Variants in ANKRD26 observed in about 807,000 individuals in gnomAD.
ANKRD26 encodes ankyrin repeat domain 26.
A neutral mutation model predicts 208.7 loss-of-function variants in ANKRD26; 141 were observed. The ratio of observed to expected loss-of-function variants is 0.68; its 90% confidence interval spans 0.59 to 0.78. The LOEUF is 0.78. ANKRD26 is among the 30% of genes least tolerant of loss of function. The pLI is 0.00. For missense variants in ANKRD26, 1,889 were observed against 1,938.7 expected (o/e 0.97, Z 0.48); for synonymous variants, 636 against 660.4 (o/e 0.96, Z 0.57).
chr10:27,019,650 T>C (rs1162265285), intron 29 of ANKRD26, among the ~76,000 whole-genome samples: 1 of 152,218 alleles, frequency 6.6e-6, no homozygotes, highest in African/African-American at 2.4e-5. Context: ...GAAAAAACTT[T>C]CTCCTCAATA....
Position 27,005,571 on chromosome 10 carries a change from AG to A in ANKRD26, c.*18del. 3 of 1,602,226 alleles carry A rather than the reference AG, an allele frequency of 1.9e-6. No homozygotes were observed. The highest frequency in any genetic ancestry group is 2.6e-6 in the Non-Finnish European group (3 of 1,170,598). Reference sequence around the variant, plus strand: ...AAACAAAATGTCACATAAACAGCCCAGTAATAAAATCTTATCTTTCAGATCA... The same window carrying A: ...AAACAAAATGTCACATAAACAGCCCATAATAAAATCTTATCTTTCAGATCA... On this transcript the variant is annotated 3_prime_UTR_variant, in exon 34 of 34. Coordinates refer to ENST00000376087, the MANE Select transcript of ANKRD26 (RefSeq NM_014915.3).
chr10:26,955,169 C>T, the ANKRD26 span, among the ~76,000 whole-genome samples: 1 of 151,748 alleles, frequency 6.6e-6, no homozygotes, highest in African/African-American at 2.4e-5. Flanking sequence ...TAGCTCATGC[C>T]CATAATCCCA....
rs7079807 is a variant in ANKRD26, at chr10:27,060,063, A to G, written c.1564+282T>C. Among the ~76,000 whole-genome samples, 126,757 of 151,842 alleles carry G rather than the reference A, an allele frequency of 0.83. 53,159 individuals are homozygous for G. Among genetic ancestry groups the G allele is most frequent in the East Asian group, 0.99 (5,102 of 5,158 alleles). On this transcript the variant is annotated intron_variant, in intron 15 of 33. Transcript: ENST00000376087. ...TAAAATACAAAAATTTGCCAGGCGT[A>G]GTGATGCACACCTGTAATCCCAGCT...
At chr10:27,096,628 T>C (rs1279137587) in intron 1 of ANKRD26, among the ~76,000 whole-genome samples, 1 of 151,534 alleles carries the variant, frequency 6.6e-6, no homozygotes, top group Admixed American at 6.6e-5. Flanking sequence ...TAGCCAGGCA[T>C]GGTGGTGGGT....
intron 17 of ANKRD26, among the ~76,000 whole-genome samples, chr10:27,047,941 C>A (rs1240747313): frequency 2.0e-5 from 3 of 151,998 alleles, no homozygotes; most frequent in Non-Finnish European, 1.5e-5. Context: ...TGGGGTTTCA[C>A]CATGTTTTCC....
At chr10:26,962,330 G>A in the ANKRD26 span, among the ~76,000 whole-genome samples, 1 of 152,090 alleles carries the variant, frequency 6.6e-6, no homozygotes, top group Non-Finnish European at 1.5e-5. Context: ...ATTCCAGCAC[G>A]TTGGGAGGCT....
chr10:27,052,679 A>G (rs745788969), intron 16 of ANKRD26, among the ~76,000 whole-genome samples: 1 of 152,156 alleles, frequency 6.6e-6, no homozygotes, highest in Non-Finnish European at 1.5e-5. Context: ...TAAAAATTCT[A>G]TAATATTTAC....
chr10:27,047,639 G>T (rs534056281), intron 17 of ANKRD26, among the ~76,000 whole-genome samples: 2 of 151,020 alleles, frequency 1.3e-5, no homozygotes, highest in South Asian at 4.2e-4. Flanking sequence ...GAAAATAAAA[G>T]AATTTGGTAA....
At chr10:27,004,015 C>T (rs1204107158), downstream of ANKRD26, 1 of 152,018 alleles carries the variant, frequency 6.6e-6, no homozygotes, top group Non-Finnish European at 1.5e-5. Flanking sequence ...GTGTTAATAT[C>T]CTGATTTTGA....
At chr10:27,038,167 T>C in intron 21 of ANKRD26, 113 bp from the exon 22 acceptor site, 1 of 866,894 alleles carries the variant, frequency 1.2e-6, no homozygotes, top group Non-Finnish European at 1.8e-6. Context: ...TTCTATGTTC[T>C]TGAATATTTT....
rs1257670523 is a variant in ANKRD26 at position 26,992,505 on chromosome 10, CACAG to C, written c.*30-504_*30-501del. ...ACACACACACACACACACACACACA[CACAG>C]AGAGAAAAAGAGAGAGACTTTCCCA... On this transcript the variant is annotated intron_variant, in intron 5 of 5. Transcript: ENST00000445828. 8.3e-3 allele frequency among the ~76,000 whole-genome samples: 1,128 copies of C among 136,098 alleles called. 10 individuals are homozygous for C. Among genetic ancestry groups the C allele is most frequent in the African/African-American group, 0.016 (505 of 31,158 alleles). 89.3% of individuals were successfully genotyped at this position (136,098 alleles called of 152,430 possible). A position where few individuals can be genotyped will look rare whatever the true frequency, so the allele number is the denominator to read the frequency against.
intron 5 of ANKRD26, among the ~76,000 whole-genome samples, chr10:27,085,377 G>A (rs1385759757): frequency 9.9e-5 from 15 of 152,108 alleles, no homozygotes; most frequent in Admixed American, 9.8e-4. Flanking sequence ...GGGATTACAG[G>A]CGTGAGCCAC....
intron 9 of ANKRD26, among the ~76,000 whole-genome samples, chr10:27,072,107 C>T (rs1483370276): frequency 1.3e-5 from 2 of 152,182 alleles, no homozygotes; most frequent in Non-Finnish European, 2.9e-5. Flanking sequence ...GAGCTGGATG[C>T]CCCTTGTTCC....
At chr10:27,036,704 G>T (rs2054056910) in intron 23 of ANKRD26, among the ~76,000 whole-genome samples, 1 of 152,028 alleles carries the variant, frequency 6.6e-6, no homozygotes, top group Non-Finnish European at 1.5e-5. Flanking sequence ...ACCAAAATAA[G>T]ATACTACTTG....
chr10:26,960,162 G>T, the ANKRD26 span, among the ~76,000 whole-genome samples: 3 of 152,074 alleles, frequency 2.0e-5, no homozygotes, highest in East Asian at 1.9e-4. Context: ...AAAAAAAAAG[G>T]GGGGGTAGTG....
chr10:27,030,494 C>G, intron 25 of ANKRD26: 1 of 985,340 alleles, frequency 1.0e-6, no homozygotes, highest in East Asian at 1.1e-4. Flanking sequence ...GCTGCTTTAG[C>G]GAGCACTCTG....
In ANKRD26 at chr10:27,038,025, C is replaced by T; in HGVS notation, c.2405G>A (p.Arg802Lys). The T allele has an allele frequency of 1.2e-6, 2 of 1,610,832 alleles. No homozygotes were observed. Among genetic ancestry groups the T allele is most frequent in the Non-Finnish European group, 1.7e-6 (2 of 1,179,450 alleles). The change falls in exon 22 of 34, where the codon AGA becomes AAA. Residue 802 changes from arginine to lysine, a missense_variant. This residue lies in a region of ANKRD26 where 1,272 missense variants were observed against 1,273.8 expected (regional missense o/e 1.00). Transcript: ENST00000376087. ...TTCATACAACGTATCAGCATTTCTT[C>T]TCTTCTCTTCTTCTTGGTTTAAGCT... The part of the protein sequence containing the change: ...RFSLNQEEEK[R>K]RNADTLYEKI...
intron 31 of ANKRD26, 58 bp downstream of exon 31, chr10:27,014,436 C>G: frequency 7.6e-7 from 1 of 1,314,146 alleles, no homozygotes; most frequent in Non-Finnish European, 1.1e-6. Flanking sequence ...AAGAATTATG[C>G]TTTCAAGGCA....
chr10:27,077,676 G>A lies in ANKRD26; in HGVS notation c.831C>T (p.Ser277=). The change falls in exon 8 of 34, where the codon AGC becomes AGT. Residue 277 remains serine, a synonymous_variant. Coordinates refer to ENST00000376087, the MANE Select transcript of ANKRD26 (RefSeq NM_014915.3). ...GAGAAGCAGTCATTAGCTTTGCTAA[G>A]CTTGGTTTTGGGACATTCTAGAAAA... ...NFDTKNVPKP[S]LAKLMTASQQ... is the part of the protein sequence containing the mutation. 1.2e-6 allele frequency: 2 copies of A among 1,612,812 alleles called. No homozygotes were observed. Among genetic ancestry groups the A allele is most frequent in the Middle Eastern group, 1.8e-4 (1 of 5,452 alleles).
Sources: gnomAD v4.1 joint callset for allele counts (sites outside exome capture counted in the v4.1 genomes callset) on GRCh38, gnomAD v4.1.1 for gene constraint, gnomAD v4.1.1 regional missense constraint, MANE v1.5 for transcripts, NCBI Gene and HGNC (gene_info 2026-07-23, HGNC 2026-07-21) for gene names.